APP: variants seen among roughly 807,000 people sequenced by gnomAD.
APP encodes the protein amyloid-beta precursor protein.
Under a neutral mutation model 101.4 loss-of-function variants are expected in APP, and 31 were observed. The ratio of observed to expected loss-of-function variants is 0.31; its 90% CI spans 0.23 to 0.41. The LOEUF (loss-of-function observed/expected upper bound fraction) is 0.41, where lower values mean the gene tolerates loss of function less well. APP is among the 10% of genes least tolerant of loss of function. APP has a pLI of 1.00. For missense variants in APP, 839 were observed against 1,003.7 expected (o/e 0.84, Z 2.22); for synonymous variants, 366 against 364.4 (o/e 1.00, Z -0.05).
At chr21:26,120,994 G>C (rs1368739990) in intron 1 of APP, among the ~76,000 whole-genome samples, 1 of 151,986 alleles carries the variant, frequency 6.6e-6, no homozygotes, top group East Asian at 1.9e-4. Flanking sequence ...GTAGGCTCCC[G>C]CCCAGCCCTC....
At chr21:26,027,627 G>A (rs2044636569) in intron 5 of APP, among the ~76,000 whole-genome samples, 1 of 152,074 alleles carries the variant, frequency 6.6e-6, no homozygotes, top group Non-Finnish European at 1.5e-5. Context: ...TAGAACTCAG[G>A]GGAAAGGCCA....
intron 11 of APP, among the ~76,000 whole-genome samples, chr21:25,964,315 C>G (rs531130538): frequency 6.6e-6 from 1 of 152,208 alleles, no homozygotes; most frequent in Admixed American, 6.5e-5. Context: ...TCTCCTCTTA[C>G]GGAGGAAGAC....
intron 3 of APP, among the ~76,000 whole-genome samples, chr21:26,076,506 C>T (rs185876362): frequency 2.2e-4 from 33 of 152,262 alleles, no homozygotes; most frequent in African/African-American, 7.7e-4. Context: ...TGAAGATAAA[C>T]ATGCTTCTAG....
intron 13 of APP, among the ~76,000 whole-genome samples, chr21:25,953,443 T>C (rs1211125436): frequency 6.6e-6 from 1 of 152,234 alleles, no homozygotes; most frequent in Non-Finnish European, 1.5e-5. Flanking sequence ...TGAGCGGTGT[T>C]TCAGGCACTT....
intron 13 of APP, among the ~76,000 whole-genome samples, chr21:25,923,016 TG>T (rs2039699685): frequency 6.8e-6 from 1 of 147,560 alleles, no homozygotes; most frequent in Admixed American, 6.7e-5. Context: ...AGCATGGTAC[TG>T]GTACCAAAAC....
chr21:25,953,152 C>T (rs1601009771), intron 13 of APP, among the ~76,000 whole-genome samples: 1 of 152,078 alleles, frequency 6.6e-6, no homozygotes, highest in African/African-American at 2.4e-5. Flanking sequence ...AGGCTGGTTT[C>T]GAACTCCTGG....
At position 25,881,142 on chromosome 21, in the gene APP, T is replaced by C. The variant is rs2036960820; in HGVS notation, c.*528A>G. 5.4e-6 allele frequency: 1 copy of C among 185,168 alleles called. No individual in the cohort carries two copies. The highest frequency in any genetic ancestry group is 1.1e-5 in the Non-Finnish European group (1 of 87,172). The allele number at this position is 185,168 out of a possible 1,614,324, so 11.5% of individuals were successfully genotyped here. A position where few individuals can be genotyped will look rare whatever the true frequency, so the allele number is the denominator to read the frequency against. On this transcript the variant is annotated 3_prime_UTR_variant, in exon 18 of 18. Coordinates refer to ENST00000346798, the MANE Select transcript of APP (RefSeq NM_000484.4). ...AGAAGCAGCAATCTGTACAGTAAAA[T>C]GCAGTCATGGAAAAAAAATCTCTCT...
intron 3 of APP, among the ~76,000 whole-genome samples, chr21:26,084,010 A>C (rs2061649778): frequency 6.6e-6 from 1 of 152,156 alleles, no homozygotes; most frequent in African/African-American, 2.4e-5. Context: ...AATGAAAAGA[A>C]ACAAAACTGG....
At chr21:25,891,619 C>T (rs1318616542) in intron 17 of APP, 103 bp downstream of exon 17, 11 of 1,172,982 alleles carry the variant, frequency 9.4e-6, no homozygotes, top group East Asian at 9.3e-5. Flanking sequence ...CACACTGATT[C>T]GTTTTTTAAA....
chr21:26,005,110 A>T lies in APP; in HGVS notation c.866-4928T>A, dbSNP rs1409070276. On this transcript the variant is annotated intron_variant, in intron 6 of 17. Coordinates refer to ENST00000346798, the MANE Select transcript of APP (RefSeq NM_000484.4). ...CTATTGAAAAGATTTTAAAAAGCCC[A>T]CATAAAAAAATGAATATAGGAAGCC... Among the ~76,000 whole-genome samples the T allele has an allele frequency of 2.6e-5, 4 of 152,224 alleles. No homozygotes were observed. The South Asian group carries it at 8.3e-4, about 32-fold the overall frequency.
chr21:26,043,880 C>G (rs1281471264), intron 5 of APP, among the ~76,000 whole-genome samples: 7 of 151,926 alleles, frequency 4.6e-5, no homozygotes, highest in Admixed American at 6.6e-5. Context: ...ATTTAATCGA[C>G]TAAAACTCAT....
chr21:26,054,645 T>A (rs9983556), intron 3 of APP, among the ~76,000 whole-genome samples: 21,733 of 141,086 alleles, frequency 0.15, 1,822 homozygotes, highest in South Asian at 0.23. Flanking sequence ...TTTTTTTTTT[T>A]AAGATAGACT....
chr21:26,131,990 T>C (rs998905227), intron 1 of APP, among the ~76,000 whole-genome samples: 1 of 152,028 alleles, frequency 6.6e-6, no homozygotes, highest in African/African-American at 2.4e-5. Context: ...TAAAAATCAG[T>C]TGTCCATAGA....
chr21:26,150,374 A>G (rs2063240092), intron 1 of APP, among the ~76,000 whole-genome samples: 2 of 152,306 alleles, frequency 1.3e-5, no homozygotes, highest in South Asian at 4.1e-4. Context: ...ATACCTTCAC[A>G]CAGCAAAATT....
rs533043229 is a variant in APP, at chr21:25,880,760, T to C, written c.*910A>G. ...TCTCCCCACCCAAAATTACTTCGAT[T>C]ATTTAATGTCTGTAGTCATCCTTCA... On this transcript the variant is annotated 3_prime_UTR_variant, in exon 18 of 18. Transcript: ENST00000346798. 20 of 152,406 alleles carry C rather than the reference T, an allele frequency of 1.3e-4. No homozygotes were observed. Among genetic ancestry groups the C allele is most frequent in the African/African-American group, 4.8e-4 (20 of 41,576 alleles). 9.4% of individuals were successfully genotyped at this position (152,406 alleles called of 1,614,324 possible).
intron 15 of APP, among the ~76,000 whole-genome samples, chr21:25,901,630 A>G (rs538425610): frequency 6.6e-6 from 1 of 152,214 alleles, no homozygotes; most frequent in Non-Finnish European, 1.5e-5. Flanking sequence ...GCATGTAATA[A>G]AATGTGATGA....
At chr21:26,083,198 T>C (rs998450085) in intron 3 of APP, among the ~76,000 whole-genome samples, 1 of 152,200 alleles carries the variant, frequency 6.6e-6, no homozygotes, top group Non-Finnish European at 1.5e-5. Flanking sequence ...AACTGTTATA[T>C]AAAAATCAAC....
intron 13 of APP, among the ~76,000 whole-genome samples, chr21:25,949,042 C>T (rs1317745172): frequency 6.6e-6 from 1 of 151,962 alleles, no homozygotes; most frequent in East Asian, 1.9e-4. Flanking sequence ...ACAAACAATG[C>T]CTGAGGCCAT....
chr21:26,016,424 C>G (rs572492052), intron 6 of APP, among the ~76,000 whole-genome samples: 7 of 152,110 alleles, frequency 4.6e-5, no homozygotes, highest in African/African-American at 1.4e-4. Context: ...TATGCATTTA[C>G]AAGGGAACAC....
Sources: gnomAD v4.1 joint callset for allele counts (sites outside exome capture counted in the v4.1 genomes callset) on GRCh38, gnomAD v4.1.1 for gene constraint, MANE v1.5 for transcripts, NCBI Gene and HGNC (gene_info 2026-07-23, HGNC 2026-07-21) for gene names.